GRID2: variants seen among roughly 807,000 people sequenced by gnomAD.
GRID2 encodes glutamate ionotropic receptor delta type subunit 2.
A neutral mutation model predicts 114.8 loss-of-function variants in GRID2; 33 were observed. The observed-to-expected ratio is 0.29, with a 90% CI of 0.22 to 0.38. The LOEUF (loss-of-function observed/expected upper bound fraction) is 0.38, where lower values mean the gene tolerates loss of function less well. Ranked by LOEUF, GRID2 falls within the 10% of genes least tolerant of loss-of-function variation. GRID2 has a pLI of 1.00. For missense variants in GRID2, 1,184 were observed against 1,257.7 expected (o/e 0.94, Z 0.89); for synonymous variants, 505 against 449.9 (o/e 1.12, Z -1.55).
At chr4:93,035,764 A>T (rs1724878530) in intron 2 of GRID2, among the ~76,000 whole-genome samples, 2 of 152,180 alleles carry the variant, frequency 1.3e-5, no homozygotes. Context: ...ACAATGTGAT[A>T]TCTGGCTTCT....
chr4:93,440,830 A>G (rs561440621), intron 10 of GRID2, among the ~76,000 whole-genome samples: 2 of 152,258 alleles, frequency 1.3e-5, no homozygotes, highest in South Asian at 4.1e-4. Context: ...AGCAAGGAGC[A>G]ATTCAATCAG....
chr4:93,212,414 A>G (rs1160459533), intron 5 of GRID2, among the ~76,000 whole-genome samples: 1 of 152,154 alleles, frequency 6.6e-6, no homozygotes, highest in Non-Finnish European at 1.5e-5. Context: ...GTAATCAATC[A>G]TATGTTAGTA....
At chr4:92,744,582 C>T (rs2149333886) in intron 2 of GRID2, among the ~76,000 whole-genome samples, 1 of 152,102 alleles carries the variant, frequency 6.6e-6, no homozygotes, top group African/African-American at 2.4e-5. Context: ...TCAACCTCCT[C>T]CACTACTTTT....
chr4:93,468,789 G>C (rs1045979093), intron 11 of GRID2, among the ~76,000 whole-genome samples: 1 of 152,050 alleles, frequency 6.6e-6, no homozygotes, highest in East Asian at 1.9e-4. Flanking sequence ...TAATTGTAAT[G>C]GGAGGCATTG....
intron 14 of GRID2, among the ~76,000 whole-genome samples, chr4:93,648,984 A>G (rs539761191): frequency 6.6e-6 from 1 of 152,180 alleles, no homozygotes; most frequent in African/African-American, 2.4e-5. Context: ...AAAGCTTAGC[A>G]CAAAGGATAG....
intron 13 of GRID2, among the ~76,000 whole-genome samples, chr4:93,570,927 C>T (rs1039391570): frequency 8.6e-5 from 13 of 152,002 alleles, no homozygotes; most frequent in African/African-American, 2.9e-4. Flanking sequence ...GCATAAAATC[C>T]CTAAAGAAAA....
At chr4:93,045,742 T>G (rs1028378166) in intron 2 of GRID2, among the ~76,000 whole-genome samples, 3 of 152,148 alleles carry the variant, frequency 2.0e-5, no homozygotes, top group African/African-American at 7.2e-5. Flanking sequence ...TACCATTCTG[T>G]AAATGATTTC....
At chr4:92,640,410 C>T (rs751215209) in intron 2 of GRID2, among the ~76,000 whole-genome samples, 9 of 151,746 alleles carry the variant, frequency 5.9e-5, no homozygotes, top group Admixed American at 1.3e-4. Context: ...AAATGTTCCA[C>T]TGAGCAAACT....
intron 5 of GRID2, among the ~76,000 whole-genome samples, chr4:93,213,785 A>C (rs17020263): frequency 0.1 from 13,993 of 134,892 alleles, 1,214 homozygotes; most frequent in African/African-American, 0.25. Flanking sequence ...GTATCCCCAG[A>C]AGATATTTTA....
chr4:93,390,596 C>A (rs1477901658), intron 8 of GRID2, among the ~76,000 whole-genome samples: 1 of 152,080 alleles, frequency 6.6e-6, no homozygotes, highest in African/African-American at 2.4e-5. Flanking sequence ...TCTTCTAGAG[C>A]TTCTTATCTG....
At chr4:92,775,743 A>G (rs1439483511) in intron 2 of GRID2, among the ~76,000 whole-genome samples, 1 of 152,104 alleles carries the variant, frequency 6.6e-6, no homozygotes, top group African/African-American at 2.4e-5. Flanking sequence ...AAAGTATTGA[A>G]CCAGCAAATA....
chr4:92,624,070 G>C (rs1364679573), intron 2 of GRID2, among the ~76,000 whole-genome samples: 3 of 151,760 alleles, frequency 2.0e-5, no homozygotes, highest in African/African-American at 4.8e-5. Flanking sequence ...ATTCAATAAG[G>C]TAGCACAGCA....
chr4:92,927,675 C>G (rs896791731), intron 2 of GRID2, among the ~76,000 whole-genome samples: 3 of 151,668 alleles, frequency 2.0e-5, no homozygotes, highest in Non-Finnish European at 4.4e-5. Context: ...GATCCTTTAT[C>G]CAAAAGACAG....
At chr4:93,378,678 T>C (rs1434817464) in intron 8 of GRID2, among the ~76,000 whole-genome samples, 1 of 152,134 alleles carries the variant, frequency 6.6e-6, no homozygotes, top group East Asian at 1.9e-4. Flanking sequence ...AGAACGGTCC[T>C]GTTTTTGATC....
intron 2 of GRID2, among the ~76,000 whole-genome samples, chr4:93,005,905 T>A (rs775123602): frequency 1.3e-5 from 2 of 152,066 alleles, no homozygotes; most frequent in African/African-American, 4.8e-5. Context: ...TCTACCACTC[T>A]CCATTTACAT....
intron 14 of GRID2, among the ~76,000 whole-genome samples, chr4:93,746,611 A>G (rs1731860512): frequency 6.6e-6 from 1 of 152,130 alleles, no homozygotes; most frequent in Non-Finnish European, 1.5e-5. Flanking sequence ...ACCAAAATGC[A>G]AGAAAGTACA....
chr4:93,052,151 C>T (rs938054960), intron 2 of GRID2, among the ~76,000 whole-genome samples: 2 of 152,018 alleles, frequency 1.3e-5, no homozygotes, highest in East Asian at 3.9e-4. Context: ...TTTCTTTGGA[C>T]TTACATCATT....
chr4:92,444,385 T>TCCCCTTTCA (rs1733323682), intron 1 of GRID2, among the ~76,000 whole-genome samples: 1 of 148,954 alleles, frequency 6.7e-6, no homozygotes, highest in Non-Finnish European at 1.5e-5. Flanking sequence ...GGGTTTGTTC[T>TCCCCTTTCA]CTGGCGGGCA....
chr4:92,926,952 G>C (rs186109576), intron 2 of GRID2, among the ~76,000 whole-genome samples: 1 of 151,992 alleles, frequency 6.6e-6, no homozygotes, highest in Admixed American at 6.6e-5. Context: ...TGGGGACTAA[G>C]TTCAACACAT....
Sources: gnomAD v4.1 joint callset for allele counts (sites outside exome capture counted in the v4.1 genomes callset) on GRCh38, gnomAD v4.1.1 for gene constraint, MANE v1.5 for transcripts, NCBI Gene and HGNC (gene_info 2026-07-23, HGNC 2026-07-21) for gene names.